The following PDE10A variants were observed in gnomAD, a reference collection of about 807,000 sequenced individuals.
PDE10A encodes the protein cAMP and cAMP-inhibited cGMP 3',5'-cyclic phosphodiesterase 10A.
In PDE10A, 39 loss-of-function variants were observed where a neutral mutation model predicts 97.7. The ratio of observed to expected loss-of-function variants is 0.40; its 90% CI spans 0.31 to 0.52. The LOEUF is 0.52. PDE10A is among the 20% of genes least tolerant of loss of function. PDE10A has a pLI of 0.56. For missense variants in PDE10A, 731 were observed against 1,047.8 expected (o/e 0.70, Z 4.17); for synonymous variants, 371 against 376.8 (o/e 0.98, Z 0.18).
chr6:165,759,551 G>T (rs1365239603), intron 1 of PDE10A, among the ~76,000 whole-genome samples: 2 of 152,160 alleles, frequency 1.3e-5, no homozygotes, highest in Non-Finnish European at 2.9e-5. Context: ...TCTCTACACT[G>T]AACTATGGCT....
At chr6:165,405,507 T>C (rs1031529168) in intron 13 of PDE10A, among the ~76,000 whole-genome samples, 18 of 152,236 alleles carry the variant, frequency 1.2e-4, no homozygotes, top group African/African-American at 4.1e-4. Flanking sequence ...CTATGGACTA[T>C]GCACTGTTCT....
chr6:165,491,548 C>T (rs1780226825), intron 2 of PDE10A, among the ~76,000 whole-genome samples: 1 of 152,174 alleles, frequency 6.6e-6, no homozygotes, highest in African/African-American at 2.4e-5. Flanking sequence ...CAAGGACTCT[C>T]TCAGACCATA....
chr6:165,628,664 A>G (rs1257326488), intron 1 of PDE10A, among the ~76,000 whole-genome samples: 1 of 152,170 alleles, frequency 6.6e-6, no homozygotes, highest in East Asian at 1.9e-4. Flanking sequence ...CATCAGAAAA[A>G]GAATACCTGA....
At chr6:165,777,619 G>C (rs1778222331) in intron 1 of PDE10A, among the ~76,000 whole-genome samples, 1 of 152,202 alleles carries the variant, frequency 6.6e-6, no homozygotes. Flanking sequence ...CCTCTTGGGG[G>C]GAAAATGCCG....
At chr6:165,706,637 A>G (rs1022060177) in intron 1 of PDE10A, among the ~76,000 whole-genome samples, 1 of 152,226 alleles carries the variant, frequency 6.6e-6, no homozygotes, top group Non-Finnish European at 1.5e-5. Flanking sequence ...AAATCAGCAC[A>G]TTTTGCTAGG....
rs930868766 is a variant in PDE10A at position 165,395,407 on chromosome 6, A to C, written c.2220-143T>G. On this transcript the variant is annotated intron_variant, in intron 14 of 21. Coordinates refer to ENST00000539869, the MANE Select transcript of PDE10A (RefSeq NM_001385079.1). ...TCCCTTTTCCTGCCTTCTTAGCCAC[A>C]TAGCTGTTACTGAAAGATTTCCAGG... 8.8e-6 allele frequency: 5 copies of C among 565,602 alleles called. No homozygotes were observed. In the East Asian group the frequency reaches 1.5e-4, roughly 17 times the overall value. 35.0% of individuals were successfully genotyped at this position (565,602 alleles called of 1,614,324 possible).
Position 165,656,258 on chromosome 6 carries a change from T to TCTCACACA in PDE10A, c.865+5688_865+5689insTGTGTGAG, listed in dbSNP as rs1365414526. ...CCAACTCTCTCTCTCTCTCTCTCTC[T>TCTCACACA]CACACACACACACACACACACACAC... On this transcript the variant is annotated intron_variant, in intron 1 of 21. Transcript: ENST00000539869. 2.3e-3 allele frequency among the ~76,000 whole-genome samples: 305 copies of TCTCACACA among 129,896 alleles called. 2 individuals are homozygous for TCTCACACA. The highest frequency in any genetic ancestry group is 9.2e-3 in the African/African-American group (294 of 32,030). 85.2% of individuals were successfully genotyped at this position (129,896 alleles called of 152,430 possible).
rs1439420155 is a variant in PDE10A at position 165,333,074 on chromosome 6, C to T, written c.3119G>A (p.Trp1040Ter). ...CTGAGCCACGGATGGGGATGAAATC[C>T]AGGTTGCAGTCTCCTCCCCTCGAAT... ...KVIRGEETAT[W>*]ISSPSVAQKA... Residue 1040 changes from tryptophan to a stop codon, truncating the protein, a stop_gained, in exon 22 of 22, where the codon TGG (tryptophan) becomes TAG (stop). Transcript: ENST00000539869. LOFTEE classifies it low-confidence loss of function (END_TRUNC). 1 of 1,613,442 alleles carries T rather than the reference C, an allele frequency of 6.2e-7. No individual in the cohort carries two copies.
chr6:165,729,603 T>C (rs545953575), intron 1 of PDE10A, among the ~76,000 whole-genome samples: 3 of 152,318 alleles, frequency 2.0e-5, no homozygotes, highest in African/African-American at 7.2e-5. Flanking sequence ...ATTGCATTAA[T>C]AGGAAACATT....
intron 1 of PDE10A, among the ~76,000 whole-genome samples, chr6:165,834,696 G>A (rs1780021964): frequency 6.6e-6 from 1 of 151,782 alleles, no homozygotes; most frequent in Non-Finnish European, 1.5e-5. Flanking sequence ...TCTTGGCTCT[G>A]TTCTGGAGGC....
chr6:165,421,829 A>G (rs1269929781), intron 10 of PDE10A, among the ~76,000 whole-genome samples: 1 of 152,218 alleles, frequency 6.6e-6, no homozygotes, highest in Non-Finnish European at 1.5e-5. Context: ...TGGGAGGCCA[A>G]GCCCCTTGGA....
At chr6:165,382,505 A>G (rs1207140891) in intron 17 of PDE10A, among the ~76,000 whole-genome samples, 1 of 152,186 alleles carries the variant, frequency 6.6e-6, no homozygotes, top group African/African-American at 2.4e-5. Context: ...TTGGAGCCAA[A>G]TAATTCTATC....
intron 1 of PDE10A, among the ~76,000 whole-genome samples, chr6:165,916,444 T>C (rs1176374210): frequency 6.6e-6 from 1 of 152,234 alleles, no homozygotes; most frequent in African/African-American, 2.4e-5. Flanking sequence ...TCTTCTGCCA[T>C]ATTTCAGTGA....
At chr6:165,869,691 A>T (rs1354986423) in intron 1 of PDE10A, among the ~76,000 whole-genome samples, 1 of 152,206 alleles carries the variant, frequency 6.6e-6, no homozygotes, top group Non-Finnish European at 1.5e-5. Context: ...ACCTTACTTG[A>T]AAATACACTA....
intron 1 of PDE10A, among the ~76,000 whole-genome samples, chr6:165,854,048 G>C (rs1213677771): frequency 6.6e-6 from 1 of 152,178 alleles, no homozygotes; most frequent in Non-Finnish European, 1.5e-5. Context: ...GTGGTGAGCA[G>C]GCTGCGCTGG....
intron 18 of PDE10A, among the ~76,000 whole-genome samples, chr6:165,372,385 G>T (rs1211958313): frequency 6.8e-6 from 1 of 147,906 alleles, no homozygotes; most frequent in Non-Finnish European, 1.5e-5. Flanking sequence ...CAAAGTCTCA[G>T]GATACAAAAT....
At chr6:165,846,489 A>T (rs766053073) in intron 1 of PDE10A, among the ~76,000 whole-genome samples, 1 of 152,256 alleles carries the variant, frequency 6.6e-6, no homozygotes, top group Non-Finnish European at 1.5e-5. Context: ...GCCTCAGGCC[A>T]GGGGCCAAGA....
Position 165,435,352 on chromosome 6 carries a change from C to T in PDE10A, c.1220G>A (p.Gly407Glu), listed in dbSNP as rs775545719. The T allele has an allele frequency of 6.2e-7, 1 of 1,613,864 alleles. No homozygotes were observed. The highest frequency in any genetic ancestry group is 8.5e-7 in the Non-Finnish European group (1 of 1,179,922). ...NNSLCIFTPP[G>E]IKEGKPRLIP... is the part of the protein sequence containing the mutation. Reference sequence around the variant, plus strand: ...GAGGCGGGGTTTTCCTTCCTTTATCCCAGGTGGCGTGAATATACACAGGCT... The same window carrying T: ...GAGGCGGGGTTTTCCTTCCTTTATCTCAGGTGGCGTGAATATACACAGGCT... The change falls in exon 6 of 22, where the codon GGG (glycine) becomes GAG (glutamate). Residue 407 changes from glycine (G) to glutamate (E), a missense_variant. Transcript: ENST00000539869.
intron 2 of PDE10A, among the ~76,000 whole-genome samples, chr6:165,490,925 A>G (rs922624730): frequency 6.6e-6 from 1 of 152,238 alleles, no homozygotes; most frequent in Non-Finnish European, 1.5e-5. Context: ...ACTGAACTCC[A>G]GCCTGGGGCA....
Sources: gnomAD v4.1 joint callset for allele counts (sites outside exome capture counted in the v4.1 genomes callset) on GRCh38, gnomAD v4.1.1 for gene constraint, MANE v1.5 for transcripts, NCBI Gene and HGNC (gene_info 2026-07-23, HGNC 2026-07-21) for gene names.